RGS22: variants seen among roughly 807,000 people sequenced by gnomAD.
RGS22 encodes regulator of G-protein signaling 22.
In RGS22, 148 loss-of-function variants were observed where a neutral mutation model predicts 172.9. The observed-to-expected ratio is 0.86, with a 90% CI of 0.75 to 0.98. The LOEUF (loss-of-function observed/expected upper bound fraction) is 0.98, where lower values mean the gene tolerates loss of function less well. Among genes scored for constraint, RGS22 ranks in the 50% least tolerant of loss-of-function variants. The pLI is 0.00. For synonymous variants in RGS22, 458 were observed against 480.2 expected (o/e 0.95, Z 0.60); for missense variants, 1,347 against 1,440.8 (o/e 0.93, Z 1.05).
chr8:100,075,224 G>A (rs963606991), intron 4 of RGS22, among the ~76,000 whole-genome samples: 2 of 152,172 alleles, frequency 1.3e-5, no homozygotes, highest in Non-Finnish European at 2.9e-5. Flanking sequence ...TAGTGGGAGA[G>A]ATGTCTTGGT....
At chr8:100,036,804 G>T (rs1819529104) in intron 14 of RGS22, among the ~76,000 whole-genome samples, 1 of 152,024 alleles carries the variant, frequency 6.6e-6, no homozygotes, top group Non-Finnish European at 1.5e-5. Context: ...TCACTTTGTT[G>T]TCCAAGCTGG....
intron 12 of RGS22, among the ~76,000 whole-genome samples, chr8:100,040,865 T>C (rs1482903887): frequency 1.3e-5 from 2 of 152,148 alleles, no homozygotes; most frequent in African/African-American, 4.8e-5. Flanking sequence ...CTACTGTCTC[T>C]CCATTTCTCC....
chr8:100,034,967 T>G (rs980685168), intron 14 of RGS22, among the ~76,000 whole-genome samples: 3 of 152,142 alleles, frequency 2.0e-5, no homozygotes, highest in African/African-American at 7.2e-5. Context: ...CAAGATGGAT[T>G]AAAGACTTAA....
chr8:99,988,566 C>A (rs1049113775), intron 20 of RGS22, among the ~76,000 whole-genome samples: 1 of 152,116 alleles, frequency 6.6e-6, no homozygotes, highest in African/African-American at 2.4e-5. Context: ...ATGGATTTAG[C>A]AACACATAAA....
At position 99,998,278 on chromosome 8, in the gene RGS22, AT is replaced by A. The variant is rs1258235801; in HGVS notation, c.2949+983del. Among the ~76,000 whole-genome samples, 4 of 152,356 alleles carry A rather than the reference AT, an allele frequency of 2.6e-5. No homozygotes were observed. In the East Asian group the frequency reaches 7.7e-4, roughly 29 times the overall value. On this transcript the variant is annotated intron_variant, in intron 19 of 27. Transcript: ENST00000360863. ...AGGCACCATTCTAAGAAACAAGCAC[AT>A]GTTAATTTCACTTCATTTTTCAGAA...
intron 24 of RGS22, 41 bp from the exon 25 acceptor site, chr8:99,963,019 C>T: frequency 6.7e-7 from 1 of 1,487,292 alleles, no homozygotes; most frequent in Non-Finnish European, 9.0e-7. Flanking sequence ...GAAATGTTTG[C>T]TTTAGGAAAT....
At chr8:100,103,640 G>A (rs901421228) in intron 2 of RGS22, among the ~76,000 whole-genome samples, 1 of 151,598 alleles carries the variant, frequency 6.6e-6, no homozygotes, top group Non-Finnish European at 1.5e-5. Context: ...GAAGTCCCAC[G>A]AAACAGGGGT....
At chr8:100,103,257 G>A (rs1258024105) in intron 2 of RGS22, among the ~76,000 whole-genome samples, 2 of 152,358 alleles carry the variant, frequency 1.3e-5, no homozygotes, top group East Asian at 3.9e-4. Flanking sequence ...GGAGTTGGCA[G>A]AAGGAATATT....
At chr8:100,004,171 T>C in intron 16 of RGS22, 73 bp from the exon 17 acceptor site, 2 of 1,440,744 alleles carry the variant, frequency 1.4e-6, no homozygotes, top group Non-Finnish European at 1.8e-6. Context: ...GTAGAGAAAC[T>C]GAAAGAAAAA....
chr8:99,973,343 A>G (rs1274604300), intron 23 of RGS22, among the ~76,000 whole-genome samples: 1 of 152,220 alleles, frequency 6.6e-6, no homozygotes, highest in Non-Finnish European at 1.5e-5. Flanking sequence ...TATAAAAAAC[A>G]ATGAGTTCAT....
rs777424750 is a variant in RGS22, at chr8:99,999,273, G to A, written c.2938C>T (p.Gln980Ter). ...ACTAATTTATATACCTTTATCTTCT[G>A]ACGTGCTGCAAACTGTTCACTTGCA... ...FLASEQFAAR[Q>*]KIKVQMKDIA... Residue 980 changes from glutamine to a stop codon, truncating the protein, a stop_gained, in exon 19 of 28, where the codon CAG becomes TAG. Coordinates refer to ENST00000360863, the MANE Select transcript of RGS22 (RefSeq NM_015668.5). LOFTEE classifies it high-confidence loss of function. The A allele has an allele frequency of 2.8e-5, 45 of 1,613,266 alleles. No individual in the cohort carries two copies. The Admixed American group carries it at 7.5e-4, about 27-fold the overall frequency.
At chr8:100,050,394 T>A (rs1243733393) in intron 10 of RGS22, among the ~76,000 whole-genome samples, 1 of 152,228 alleles carries the variant, frequency 6.6e-6, no homozygotes, top group Admixed American at 6.5e-5. Flanking sequence ...CCCCTGTATG[T>A]CTGAACAGTT....
intron 8 of RGS22, among the ~76,000 whole-genome samples, chr8:100,063,028 C>T (rs912120029): frequency 3.3e-5 from 5 of 152,140 alleles, no homozygotes; most frequent in African/African-American, 7.2e-5. Flanking sequence ...GTTAACCAAG[C>T]AGGCTGCTAG....
intron 16 of RGS22, among the ~76,000 whole-genome samples, chr8:100,005,367 A>G (rs1302623121): frequency 6.6e-6 from 1 of 152,128 alleles, no homozygotes; most frequent in Non-Finnish European, 1.5e-5. Context: ...GATCGATCAT[A>G]CCATACCAGT....
chr8:100,041,826 T>C lies in RGS22; in HGVS notation c.1914A>G (p.Arg638=). Residue 638 remains arginine (R), a synonymous_variant, in exon 12 of 28, where the codon AGA becomes AGG. Transcript: ENST00000360863. ...SECLKPQLDR[R]YAYTEEPRVK... Reference sequence around the variant, plus strand: ...CCCTAGGTTCTTCTGTATAAGCGTATCTTCTATCCAGCTGGGGCTTGAGAC... The same window carrying C: ...CCCTAGGTTCTTCTGTATAAGCGTACCTTCTATCCAGCTGGGGCTTGAGAC... The C allele has an allele frequency of 1.9e-6, 3 of 1,610,468 alleles. No homozygotes were observed. Among genetic ancestry groups the C allele is most frequent in the African/African-American group, 1.3e-5 (1 of 74,982 alleles).
intron 4 of RGS22, among the ~76,000 whole-genome samples, chr8:100,079,171 T>C (rs1430696716): frequency 6.6e-6 from 1 of 152,210 alleles, no homozygotes; most frequent in Non-Finnish European, 1.5e-5. Flanking sequence ...AGGAAGTGAA[T>C]AAAACAATAA....
At chr8:99,996,418 A>G (rs754072574) in intron 20 of RGS22, 44 bp downstream of exon 20, 1 of 1,515,882 alleles carries the variant, frequency 6.6e-7, no homozygotes, top group East Asian at 2.3e-5. Context: ...ATACTTTGAC[A>G]GAGCAAAACT....
At chr8:99,993,949 G>A (rs1814058429) in intron 20 of RGS22, among the ~76,000 whole-genome samples, 1 of 152,174 alleles carries the variant, frequency 6.6e-6, no homozygotes, top group Non-Finnish European at 1.5e-5. Flanking sequence ...TGGGATGCAA[G>A]GCTGGTTCAA....
intron 2 of RGS22, among the ~76,000 whole-genome samples, chr8:100,100,080 C>T (rs1489857540): frequency 6.6e-6 from 1 of 152,096 alleles, no homozygotes; most frequent in Non-Finnish European, 1.5e-5. Flanking sequence ...CCTTGGTATC[C>T]ACAGGGGATT....
Sources: gnomAD v4.1 joint callset for allele counts (sites outside exome capture counted in the v4.1 genomes callset) on GRCh38, gnomAD v4.1.1 for gene constraint, MANE v1.5 for transcripts, NCBI Gene and HGNC (gene_info 2026-07-23, HGNC 2026-07-21) for gene names.